Variants in DSC3 observed in about 807,000 individuals in gnomAD.
DSC3 encodes the protein desmocollin-3.
A neutral mutation model predicts 89.5 loss-of-function variants in DSC3; 97 were observed. The ratio of observed to expected loss-of-function variants is 1.08; its 90% CI spans 0.92 to 1.28. The LOEUF is 1.28. DSC3 is among the 50% of genes most tolerant of loss of function. The pLI, the probability that DSC3 is intolerant of heterozygous loss-of-function variation, is 0.00. For missense variants in DSC3, 1,199 were observed against 1,085.3 expected, an observed-to-expected ratio of 1.10 and a Z score of -1.47; for synonymous variants, 436 against 384.1, an observed-to-expected ratio of 1.14 and a Z score of -1.58.
In DSC3 at chr18:31,008,250, G is replaced by A. The variant is rs753333520; in HGVS notation, c.1520+19C>T. 3 of 1,613,278 alleles carry A rather than the reference G, an allele frequency of 1.9e-6. 1 individual carries two copies. The South Asian group carries it at 3.3e-5, about 18-fold the overall frequency. ...ATTACAAATACATTATTAGTATGTG[G>A]TTATAGATTTATTTTTACCTTAAAC... On this transcript the variant is annotated intron_variant, in intron 10 of 15. Transcript: ENST00000360428.
chr18:31,016,607 G>T lies in DSC3; in HGVS notation c.1263+1464C>A, dbSNP rs531607991. On this transcript the variant is annotated intron_variant, in intron 9 of 15. Transcript: ENST00000360428. ...TGTGTGCTGTAGATTCACATCTCAAGACTCAAAGATTTGGCTCTTCAGATT... is the reference window on the plus strand; with the variant it reads ...TGTGTGCTGTAGATTCACATCTCAATACTCAAAGATTTGGCTCTTCAGATT... 5.9e-5 allele frequency among the ~76,000 whole-genome samples: 9 copies of T among 152,206 alleles called. No homozygotes were observed. In the South Asian group the frequency reaches 1.2e-3, roughly 21 times the overall value.
chr18:31,012,335 C>T (rs1985098052), intron 9 of DSC3, among the ~76,000 whole-genome samples: 1 of 152,152 alleles, frequency 6.6e-6, no homozygotes, highest in Non-Finnish European at 1.5e-5. Flanking sequence ...GAAGTAATGG[C>T]TTTATCAAGC....
intron 1 of DSC3, among the ~76,000 whole-genome samples, chr18:31,039,204 T>C (rs1443544161): frequency 1.3e-5 from 2 of 152,104 alleles, no homozygotes; most frequent in Admixed American, 6.6e-5. Flanking sequence ...ACTAAGCAAA[T>C]TGTATTAATT....
Position 31,004,305 on chromosome 18 carries a change from A to G in DSC3, c.1950T>C (p.Ile650=), listed in dbSNP as rs1445001610. The change falls in exon 13 of 16, where the codon ATT becomes ATC. Residue 650 remains isoleucine, a synonymous_variant. Transcript: ENST00000360428. ...CTTGGCCGGCCCTGTCTTTTACAGT[A>G]ATAGGAATGGTATATTCTTGAAATC... ...NAGFQEYTIP[I]TVKDRAGQAA... is the part of the protein sequence containing the mutation. The G allele has an allele frequency of 6.2e-7, 1 of 1,614,038 alleles. No homozygotes were observed. Among genetic ancestry groups the G allele is most frequent in the Non-Finnish European group, 8.5e-7 (1 of 1,179,934 alleles).
rs1307553280 is a variant in DSC3, at chr18:31,008,313, G to T, written c.1476C>A (p.Gly492=). 2 of 1,613,982 alleles carry T rather than the reference G, an allele frequency of 1.2e-6. No individual in the cohort carries two copies. Among genetic ancestry groups the T allele is most frequent in the Middle Eastern group, 1.6e-4 (1 of 6,062 alleles). ...ENLAVGSKIN[G]YKAYDPENRN... is the part of the protein sequence containing the mutation. ...TATTTTCGGGGTCATATGCCTTATA[G>T]CCGTTGATCTTTGACCCCACTGCTA... The change falls in exon 10 of 16, where the codon GGC becomes GGA. Residue 492 remains glycine (G), a synonymous_variant. Coordinates refer to ENST00000360428, the MANE Select transcript of DSC3 (RefSeq NM_001941.5).
At position 31,008,047 on chromosome 18, in the gene DSC3, C is replaced by A; in HGVS notation, c.1632G>T (p.Leu544Phe). Residue 544 changes from leucine (L) to phenylalanine (F), a missense_variant, in exon 11 of 16, where the codon TTG becomes TTT. Coordinates refer to ENST00000360428, the MANE Select transcript of DSC3 (RefSeq NM_001941.5). ...CTATTGCCAGGACTGTAATATTATA[C>A]AACTCATTTTTGGGAGTTTCAACCT... ...DREVETPKNE[L>F]YNITVLAIDK... is the part of the protein sequence containing the mutation. The A allele has an allele frequency of 1.2e-6, 2 of 1,613,036 alleles. No individual in the cohort carries two copies. Among genetic ancestry groups the A allele is most frequent in the Non-Finnish European group, 1.7e-6 (2 of 1,179,532 alleles).
chr18:31,027,945 T>A (rs1464960996), intron 4 of DSC3, among the ~76,000 whole-genome samples: 1 of 152,120 alleles, frequency 6.6e-6, no homozygotes, highest in Non-Finnish European at 1.5e-5. Flanking sequence ...TGAACTCTAA[T>A]CCCTGCTAAT....
intron 9 of DSC3, among the ~76,000 whole-genome samples, chr18:31,017,627 T>C (rs1261018528): frequency 6.6e-6 from 1 of 152,198 alleles, no homozygotes; most frequent in Non-Finnish European, 1.5e-5. Context: ...TGTCACATCA[T>C]GTAAGAATTA....
chr18:30,999,806 T>C (rs1984591853), intron 14 of DSC3, among the ~76,000 whole-genome samples: 1 of 152,228 alleles, frequency 6.6e-6, no homozygotes, highest in Non-Finnish European at 1.5e-5. Context: ...ACTCATTGTA[T>C]TAAAGCAAGT....
At chr18:31,002,773 A>T (rs1022039183) in intron 13 of DSC3, among the ~76,000 whole-genome samples, 2 of 152,156 alleles carry the variant, frequency 1.3e-5, no homozygotes, top group African/African-American at 2.4e-5. Flanking sequence ...GTCCATATAT[A>T]ATGTTCTATT....
intron 13 of DSC3, among the ~76,000 whole-genome samples, chr18:31,003,404 T>C (rs1984733566): frequency 6.6e-6 from 1 of 152,244 alleles, no homozygotes; most frequent in Non-Finnish European, 1.5e-5. Flanking sequence ...ATATGTTTAT[T>C]TTTTGACTTG....
intron 1 of DSC3, among the ~76,000 whole-genome samples, chr18:31,035,028 A>T (rs1185672747): frequency 6.6e-6 from 1 of 152,170 alleles, no homozygotes; most frequent in Non-Finnish European, 1.5e-5. Context: ...TCACTTCTAG[A>T]AATTGGCAGT....
intron 1 of DSC3, among the ~76,000 whole-genome samples, chr18:31,041,095 G>C (rs1986115469): frequency 6.6e-6 from 1 of 151,926 alleles, no homozygotes; most frequent in Non-Finnish European, 1.5e-5. Context: ...GCCACAGCTC[G>C]ACACCCCCAC....
chr18:31,004,226 A>G lies in DSC3; in HGVS notation c.2029T>C (p.Cys677Arg). The change falls in exon 13 of 16, where the codon TGT becomes CGT. Residue 677 changes from cysteine to arginine, a missense_variant. Cys to Arg is a radical substitution (Grantham distance 180). Coordinates refer to ENST00000360428, the MANE Select transcript of DSC3 (RefSeq NM_001941.5). ...NLCECTHPTQ[C>R]RATSRSTGVI... is the part of the protein sequence containing the mutation. ...CCTGTACTCCTTGAAGTCGCACGAC[A>G]CTGAGTTGGATGAGTACATTCACAC... The G allele has an allele frequency of 6.2e-7, 1 of 1,614,026 alleles. No individual in the cohort carries two copies. The highest frequency in any genetic ancestry group is 1.1e-5 in the South Asian group (1 of 91,086).
rs1984331224 is a variant in DSC3 at position 30,993,164 on chromosome 18, A to T, written c.*1011T>A. ...AGCAATAGAGGATTTAACTTCAGTA[A>T]AGGTAAGTTTTAAAATGTTTTTGTT... On this transcript the variant is annotated 3_prime_UTR_variant, in exon 16 of 16. Coordinates refer to ENST00000360428, the MANE Select transcript of DSC3 (RefSeq NM_001941.5). The T allele has an allele frequency of 6.6e-6, 1 of 152,210 alleles. No homozygotes were observed. The highest frequency in any genetic ancestry group is 1.5e-5 in the Non-Finnish European group (1 of 68,030). The allele number at this position is 152,210 out of a possible 1,614,324, so 9.4% of individuals were successfully genotyped here.
At chr18:31,000,102 A>T (rs1235303733) in intron 14 of DSC3, among the ~76,000 whole-genome samples, 2 of 152,044 alleles carry the variant, frequency 1.3e-5, no homozygotes, top group African/African-American at 4.8e-5. Context: ...TCAAGCATAG[A>T]TGGGCTATGA....
chr18:31,042,486 C>T (rs1053390776), intron 1 of DSC3, 106 bp downstream of exon 1: 1 of 1,172,370 alleles, frequency 8.5e-7, no homozygotes, highest in Non-Finnish European at 1.2e-6. Context: ...TTGATCTGAG[C>T]CGCGGTTGTC....
At chr18:31,042,483 G>C in intron 1 of DSC3, 109 bp downstream of exon 1, 1 of 1,149,054 alleles carries the variant, frequency 8.7e-7, no homozygotes, top group East Asian at 2.6e-5. Flanking sequence ...GCATTGATCT[G>C]AGCCGCGGTT....
intron 9 of DSC3, among the ~76,000 whole-genome samples, chr18:31,010,066 A>C (rs1280920389): frequency 6.6e-6 from 1 of 152,254 alleles, no homozygotes; most frequent in Non-Finnish European, 1.5e-5. Context: ...CACTGGCTAA[A>C]CATTGAACAA....
Sources: gnomAD v4.1 joint callset for allele counts (sites outside exome capture counted in the v4.1 genomes callset) on GRCh38, gnomAD v4.1.1 for gene constraint, MANE v1.5 for transcripts, NCBI Gene and HGNC (gene_info 2026-07-23, HGNC 2026-07-21) for gene names.